The following TNRC6C variants were observed in gnomAD, a reference collection of about 807,000 sequenced individuals.
TNRC6C encodes the protein trinucleotide repeat containing adaptor 6C, also known as trinucleotide repeat-containing gene 6C protein.
A neutral mutation model predicts 153.7 loss-of-function variants in TNRC6C; 20 were observed. The ratio of observed to expected loss-of-function variants is 0.13; its 90% CI spans 0.09 to 0.19. TNRC6C has a LOEUF of 0.19. Among genes scored for constraint, TNRC6C ranks in the 10% least tolerant of loss-of-function variants. The probability of loss-of-function intolerance (pLI) is 1.00; values close to 1 mark genes in which losing one functional copy is unlikely to be tolerated. For synonymous variants in TNRC6C, 811 were observed against 841.4 expected (o/e 0.96, Z 0.63); for missense variants, 1,987 against 2,172.0 (o/e 0.91, Z 1.69).
intron 1 of TNRC6C, among the ~76,000 whole-genome samples, chr17:77,984,433 T>C (rs1262906769): frequency 6.7e-6 from 1 of 150,258 alleles, no homozygotes; most frequent in African/African-American, 2.5e-5. Context: ...GAGGCTAAGG[T>C]GGGAGGATCG....
chr17:78,050,213 C>T (rs777730188), exon 3 of TNRC6C: 3 of 1,538,386 alleles, frequency 2.0e-6, no homozygotes, highest in South Asian at 1.3e-5. Flanking sequence ...CACATGAACT[C>T]CTGGGCCAAA....
chr17:78,002,276 A>T (rs995188451), upstream of TNRC6C, among the ~76,000 whole-genome samples: 3 of 152,136 alleles, frequency 2.0e-5, no homozygotes, highest in Admixed American at 2.0e-4. Context: ...TTGGTACCAG[A>T]AATGCCCTGA....
chr17:77,983,518 T>C (rs2071111557), intron 1 of TNRC6C, among the ~76,000 whole-genome samples: 1 of 152,148 alleles, frequency 6.6e-6, no homozygotes, highest in Admixed American at 6.5e-5. Context: ...AAAACTGCAG[T>C]ACTCAAGAAA....
At chr17:78,074,800 G>T (rs746448940) in intron 7 of TNRC6C, among the ~76,000 whole-genome samples, 4 of 152,222 alleles carry the variant, frequency 2.6e-5, no homozygotes, top group Non-Finnish European at 4.4e-5. Context: ...AGGGGAGGGG[G>T]TGCATCCCAG....
At chr17:78,018,058 A>G (rs964162769) in intron 1 of TNRC6C, among the ~76,000 whole-genome samples, 5 of 152,228 alleles carry the variant, frequency 3.3e-5, no homozygotes, top group African/African-American at 7.2e-5. Flanking sequence ...CTCTTCTACT[A>G]TATGATAAAC....
At chr17:78,023,877 G>A (rs772906987) in intron 1 of TNRC6C, among the ~76,000 whole-genome samples, 2 of 152,210 alleles carry the variant, frequency 1.3e-5, no homozygotes, top group Non-Finnish European at 2.9e-5. Flanking sequence ...TGAAAGGCCA[G>A]GGTGGGTGGA....
At chr17:78,050,350 G>A (rs1376354097) in exon 3 of TNRC6C, 1 of 1,610,854 alleles carries the variant, frequency 6.2e-7, no homozygotes, top group Non-Finnish European at 8.5e-7. Context: ...TATAGACCAA[G>A]GGCACATCCA....
At chr17:78,039,978 T>G (rs539412271) in intron 2 of TNRC6C, among the ~76,000 whole-genome samples, 4 of 152,328 alleles carry the variant, frequency 2.6e-5, no homozygotes, top group East Asian at 1.9e-4. Flanking sequence ...CAAGGAGAGA[T>G]AGTCAGTTAT....
chr17:78,037,126 C>T (rs2143797286), intron 2 of TNRC6C, among the ~76,000 whole-genome samples: 1 of 152,314 alleles, frequency 6.6e-6, no homozygotes, highest in South Asian at 2.1e-4. Flanking sequence ...TGCAACCACA[C>T]ATTTTGCCAT....
intron 3 of TNRC6C, among the ~76,000 whole-genome samples, chr17:78,057,825 T>TGTG (rs1555638332): frequency 1.3e-5 from 2 of 151,466 alleles, no homozygotes; most frequent in South Asian, 2.1e-4. Flanking sequence ...AATTACATTT[T>TGTG]TGTGTGTGTG....
intron 16 of TNRC6C, among the ~76,000 whole-genome samples, chr17:78,098,134 A>G (rs1018529875): frequency 2.0e-5 from 3 of 152,210 alleles, no homozygotes; most frequent in Non-Finnish European, 4.4e-5. Flanking sequence ...CCACAAGACA[A>G]GGGCTCTGCA....
At chr17:77,958,948 ACCGCCG>A (rs1243135036), upstream of TNRC6C, among the ~76,000 whole-genome samples, 4 of 140,940 alleles carry the variant, frequency 2.8e-5, no homozygotes, top group Non-Finnish European at 4.7e-5. Flanking sequence ...CGCAGCTGCC[ACCGCCG>A]CCGCCGCCGC....
intron 1 of TNRC6C, among the ~76,000 whole-genome samples, chr17:77,959,825 C>G (rs142960888): frequency 8.9e-4 from 136 of 152,280 alleles, no homozygotes; most frequent in African/African-American, 3.2e-3. Flanking sequence ...GTCCTGTTAT[C>G]AGATAACGTA....
intron 1 of TNRC6C, among the ~76,000 whole-genome samples, chr17:78,015,546 T>A (rs2071711688): frequency 6.6e-6 from 1 of 152,224 alleles, no homozygotes; most frequent in African/African-American, 2.4e-5. Context: ...GTAAATGCCA[T>A]TACTGGGAAA....
intron 4 of TNRC6C, chr17:78,067,196 A>G (rs2072898834): frequency 6.6e-6 from 1 of 152,144 alleles, no homozygotes; most frequent in South Asian, 2.1e-4. Flanking sequence ...GAAAAAAAAA[A>G]TTAGCTGGAT....
intron 2 of TNRC6C, among the ~76,000 whole-genome samples, chr17:78,034,326 T>A (rs990405655): frequency 6.6e-6 from 1 of 151,918 alleles, no homozygotes; most frequent in African/African-American, 2.4e-5. Flanking sequence ...CAAAGTGCTG[T>A]GATTCCAGGC....
chr17:78,059,429 T>C (rs543615687), intron 3 of TNRC6C, among the ~76,000 whole-genome samples: 24 of 152,356 alleles, frequency 1.6e-4, no homozygotes, highest in African/African-American at 5.8e-4. Flanking sequence ...GGGAGCCTGC[T>C]ACGGAAGTAG....
intron 17 of TNRC6C, among the ~76,000 whole-genome samples, chr17:78,100,256 G>A (rs1473721003): frequency 6.6e-6 from 1 of 152,242 alleles, no homozygotes; most frequent in Non-Finnish European, 1.5e-5. Flanking sequence ...GGGACTTTGT[G>A]TGGGGGCTCC....
At chr17:78,029,394 T>C (rs559458711) in intron 1 of TNRC6C, among the ~76,000 whole-genome samples, 246 of 152,348 alleles carry the variant, frequency 1.6e-3, no homozygotes, top group Non-Finnish European at 2.9e-3. Context: ...TACTGAATAC[T>C]GTAGGCAGTT....
Sources: allele counts gnomAD v4.1 joint callset (sites outside exome capture counted in the v4.1 genomes callset), GRCh38; gene constraint gnomAD v4.1.1; transcripts MANE v1.5; gene names NCBI Gene and HGNC (gene_info 2026-07-23, HGNC 2026-07-21).